The following WDR86 variants were observed in gnomAD, a reference collection of about 807,000 sequenced individuals.
The protein encoded by WDR86 is WD repeat domain 86.
A neutral mutation model predicts 36.5 loss-of-function variants in WDR86; 30 were observed. The observed-to-expected ratio is 0.82, with a 90% CI of 0.61 to 1.11. The LOEUF is 1.11. Ranked by LOEUF, WDR86 falls within the 50% of genes most tolerant of loss-of-function variation. The probability of loss-of-function intolerance (pLI) is 0.00; values close to 1 mark genes in which losing one functional copy is unlikely to be tolerated. For synonymous variants in WDR86, 255 were observed against 252.9 expected, an observed-to-expected ratio of 1.01 and a Z score of -0.08; for missense variants, 545 against 561.2, an observed-to-expected ratio of 0.97 and a Z score of 0.29.
At chr7:151,403,889 G>A (rs1800520176) in intron 1 of WDR86, among the ~76,000 whole-genome samples, 1 of 152,240 alleles carries the variant, frequency 6.6e-6, no homozygotes, top group Admixed American at 6.5e-5. Context: ...AAGGTGTGCT[G>A]TGGGCATTCA....
chr7:151,391,988 C>A (rs1799472791), intron 3 of WDR86, among the ~76,000 whole-genome samples: 1 of 152,196 alleles, frequency 6.6e-6, no homozygotes, highest in Non-Finnish European at 1.5e-5. Context: ...CTGAGCAGAG[C>A]CCCAAACCAT....
At chr7:151,381,008 A>C, downstream of WDR86, 2 of 412,654 alleles carry the variant, frequency 4.8e-6, no homozygotes, top group Non-Finnish European at 3.5e-6. The surrounding 1 kb of genome is among the most constrained non-coding windows in gnomAD (Gnocchi z 4.8). Context: ...AAGGCTGCCC[A>C]GGCCGGTTGT....
Position 151,409,319 on chromosome 7 carries a change from C to A in WDR86, c.163+108G>T. 1 of 1,480,980 alleles carries A rather than the reference C, an allele frequency of 6.8e-7. No homozygotes were observed. 91.7% of individuals were successfully genotyped at this position (1,480,980 alleles called of 1,614,324 possible). A position where few individuals can be genotyped will look rare whatever the true frequency, so the allele number is the denominator to read the frequency against. On this transcript the variant is annotated intron_variant, in intron 1 of 5. Transcript: ENST00000334493. The surrounding 1 kb of genome is among the most constrained non-coding windows in gnomAD (Gnocchi z 5.2). ...TCTTCCGCTAGTGTGCCGGGATGAG[C>A]GGGGGCTGGACTTCTAGAAAGGGGT...
chr7:151,405,713 C>T lies in WDR86; in HGVS notation c.163+3714G>A, dbSNP rs1194707374. On this transcript the variant is annotated intron_variant, in intron 1 of 5. Coordinates refer to ENST00000334493, the MANE Select transcript of WDR86 (RefSeq NM_198285.3). This position sits in a 1 kb window ranked among gnomAD's most constrained non-coding sequence, Gnocchi z 4.7. ...GTGAGGCTGCTGTGGCTCTTGTCAC[C>T]AGCGTGCCGCAGGCCTCCTTCAGCC... is the stretch of plus-strand genomic sequence containing the variant. Among the ~76,000 whole-genome samples the T allele has an allele frequency of 2.6e-5, 4 of 152,198 alleles. No individual in the cohort carries two copies. Among genetic ancestry groups the T allele is most frequent in the Non-Finnish European group, 5.9e-5 (4 of 68,036 alleles).
intron 4 of WDR86, among the ~76,000 whole-genome samples, chr7:151,383,497 TG>T (rs1040593437): frequency 7.9e-5 from 12 of 151,262 alleles, no homozygotes; most frequent in Non-Finnish European, 8.8e-5. Context: ...AAAAAATGTT[TG>T]TAGAGACAGG....
At chr7:151,382,374 G>A (rs1798666151) in intron 4 of WDR86, among the ~76,000 whole-genome samples, 1 of 152,088 alleles carries the variant, frequency 6.6e-6, no homozygotes, top group African/African-American at 2.4e-5. Context: ...TTAACGGATC[G>A]GCACTCAAAT....
chr7:151,390,744 C>G lies in WDR86; in HGVS notation c.726+5032G>C, dbSNP rs1485701055. 6.6e-6 allele frequency among the ~76,000 whole-genome samples: 1 copy of G among 152,242 alleles called. No homozygotes were observed. The highest frequency in any genetic ancestry group is 1.9e-4 in the East Asian group (1 of 5,200). ...GAGGGAATCTCATCACACACCACAA[C>G]ACAGACGAACCCTGAAGATCTTATG... On this transcript the variant is annotated intron_variant, in intron 3 of 5. Coordinates refer to ENST00000334493, the MANE Select transcript of WDR86 (RefSeq NM_198285.3). This position sits in a 1 kb window ranked among gnomAD's most constrained non-coding sequence, Gnocchi z 4.5.
Position 151,389,461 on chromosome 7 carries a change from A to C in WDR86, c.727-4238T>G, listed in dbSNP as rs563568376. On this transcript the variant is annotated intron_variant, in intron 3 of 5. Transcript: ENST00000334493. Reference sequence around the variant, plus strand: ...CGCCGGGCGGCTCACTCAGGGTCCCAGCAGACGCCCCACACTTGGCCCACC... The same window carrying C: ...CGCCGGGCGGCTCACTCAGGGTCCCCGCAGACGCCCCACACTTGGCCCACC... Among the ~76,000 whole-genome samples the C allele has an allele frequency of 1.6e-3, 249 of 152,312 alleles. 1 individual carries two copies. The highest frequency in any genetic ancestry group is 5.3e-3 in the African/African-American group (219 of 41,578).
rs2150737434 is a variant in WDR86 at position 151,381,127 on chromosome 7, T to C, written c.*455A>G. The C allele has an allele frequency of 8.1e-7, 1 of 1,227,310 alleles. No homozygotes were observed. Among genetic ancestry groups the C allele is most frequent in the East Asian group, 3.2e-5 (1 of 31,572 alleles). 76.0% of individuals were successfully genotyped at this position (1,227,310 alleles called of 1,614,324 possible). ...CAAAAAGAGGACACAGGAGCACTTT[T>C]AACGTTCAGGCTGTATATTTCAGTT... On this transcript the variant is annotated 3_prime_UTR_variant, in exon 6 of 6. Transcript: ENST00000334493. This position sits in a 1 kb window ranked among gnomAD's most constrained non-coding sequence, Gnocchi z 4.8.
downstream of WDR86, among the ~76,000 whole-genome samples, chr7:151,371,180 G>A (rs138810935): frequency 3.4e-4 from 52 of 152,242 alleles, no homozygotes; most frequent in South Asian, 6.8e-3. Context: ...CGATGCCTTT[G>A]GCTGAAAGCA....
downstream of WDR86, chr7:151,376,555 G>A: frequency 7.4e-7 from 1 of 1,350,488 alleles, no homozygotes. Context: ...ATGAGAGTCG[G>A]CTGTCCACTC....
downstream of WDR86, among the ~76,000 whole-genome samples, chr7:151,372,104 G>C (rs558050066): frequency 1.3e-5 from 2 of 152,176 alleles, no homozygotes; most frequent in Admixed American, 6.5e-5. Flanking sequence ...CTGTAGAAAC[G>C]GAGCTCACAG....
downstream of WDR86, among the ~76,000 whole-genome samples, chr7:151,380,007 C>T (rs992812416): frequency 1.3e-5 from 2 of 152,230 alleles, no homozygotes; most frequent in African/African-American, 4.8e-5. Context: ...GTAGGTATGC[C>T]CCTTGTGGCA....
At position 151,401,776 on chromosome 7, in the gene WDR86, G is replaced by A. The variant is rs1013809481; in HGVS notation, c.164-1535C>T. The stretch of plus-strand genomic sequence containing the variant: ...TAAATACAACCGCAAGTGGCCAGGC[G>A]CGGTGGCTCACGCCTGTAATTCCAG... On this transcript the variant is annotated intron_variant, in intron 1 of 5. Transcript: ENST00000334493. This position sits in a 1 kb window ranked among gnomAD's most constrained non-coding sequence, Gnocchi z 4.3. 2.6e-5 allele frequency among the ~76,000 whole-genome samples: 4 copies of A among 151,910 alleles called. No homozygotes were observed. The highest frequency in any genetic ancestry group is 1.9e-4 in the East Asian group (1 of 5,178).
Position 151,381,571 on chromosome 7 carries a change from G to A in WDR86, c.*11C>T. ...GGTGTCTGGGCTGGCGTCTGCAGGG[G>A]CCCCGCGGGATCAGGCCGGCTGCAG... On this transcript the variant is annotated 3_prime_UTR_variant, in exon 6 of 6. Transcript: ENST00000334493. This position sits in a 1 kb window ranked among gnomAD's most constrained non-coding sequence, Gnocchi z 4.8. 2 of 1,373,000 alleles carry A rather than the reference G, an allele frequency of 1.5e-6. No homozygotes were observed. Among genetic ancestry groups the A allele is most frequent in the Non-Finnish European group, 1.9e-6 (2 of 1,073,546 alleles). The allele number at this position is 1,373,000 out of a possible 1,614,324, so 85.1% of individuals were successfully genotyped here.
chr7:151,392,044 T>C (rs2240626), intron 3 of WDR86, among the ~76,000 whole-genome samples: 30,132 of 152,188 alleles, frequency 0.2, 3,457 homozygotes, highest in African/African-American at 0.33. Context: ...TCTGCAAAAG[T>C]GTGTGCTGCC....
downstream of WDR86, chr7:151,376,849 A>G (rs1281381144): frequency 3.2e-6 from 5 of 1,540,960 alleles, no homozygotes; most frequent in Non-Finnish European, 4.4e-6. Context: ...TTGAGAGCAA[A>G]GTGTCTTCAG....
In WDR86 at chr7:151,401,484, A is replaced by G. The variant is rs2150846692; in HGVS notation, c.164-1243T>C. 6.6e-6 allele frequency among the ~76,000 whole-genome samples: 1 copy of G among 151,958 alleles called. No individual in the cohort carries two copies. Among genetic ancestry groups the G allele is most frequent in the East Asian group, 1.9e-4 (1 of 5,164 alleles). On this transcript the variant is annotated intron_variant, in intron 1 of 5. Transcript: ENST00000334493. This position sits in a 1 kb window ranked among gnomAD's most constrained non-coding sequence, Gnocchi z 4.3. ...AAACCTTTCAGCTTTTGCATTCCACATTTCCTCACCTGGGATGGGGACAAT... is the reference window on the plus strand; with the variant it reads ...AAACCTTTCAGCTTTTGCATTCCACGTTTCCTCACCTGGGATGGGGACAAT...
chr7:151,400,383 G>C, intron 1 of WDR86, 142 bp from the exon 2 acceptor site: 1 of 979,768 alleles, frequency 1.0e-6, no homozygotes, highest in South Asian at 2.0e-5. Context: ...CATTAGTTTT[G>C]TTTTGTTTTG....
Sources: gnomAD v4.1 joint callset for allele counts (sites outside exome capture counted in the v4.1 genomes callset) on GRCh38, gnomAD v4.1.1 for gene constraint, Gnocchi (gnomAD v3.1) non-coding constraint, MANE v1.5 for transcripts, NCBI Gene and HGNC (gene_info 2026-07-23, HGNC 2026-07-21) for gene names.